Variants in PXDNL observed in about 807,000 individuals in gnomAD.
The protein encoded by PXDNL is probable oxidoreductase PXDNL.
Under a neutral mutation model 150.8 loss-of-function variants are expected in PXDNL, and 145 were observed. The ratio of observed to expected loss-of-function variants is 0.96; its 90% CI spans 0.84 to 1.10. PXDNL has a LOEUF of 1.10. PXDNL is among the 50% of genes least tolerant of loss of function. PXDNL has a pLI of 0.00. For synonymous variants in PXDNL, 757 were observed against 725.7 expected (o/e 1.04, Z -0.69); for missense variants, 2,087 against 1,873.9 (o/e 1.11, Z -2.10).
chr8:51,464,253 A>T (rs1410118499), intron 8 of PXDNL, among the ~76,000 whole-genome samples: 2 of 152,306 alleles, frequency 1.3e-5, no homozygotes, highest in South Asian at 4.1e-4. Context: ...AGTCTCAGCT[A>T]CTCAGGAGCC....
At chr8:51,666,517 T>A (rs1390913337) in intron 1 of PXDNL, among the ~76,000 whole-genome samples, 1 of 152,212 alleles carries the variant, frequency 6.6e-6, no homozygotes, top group African/African-American at 2.4e-5. Flanking sequence ...TTCTCTTAGA[T>A]ATTGACTATG....
chr8:51,478,895 G>C (rs1198991273), intron 6 of PXDNL, among the ~76,000 whole-genome samples: 2 of 152,166 alleles, frequency 1.3e-5, no homozygotes, highest in African/African-American at 4.8e-5. Flanking sequence ...ACCCTGAGCA[G>C]GTTGCTCAAA....
chr8:51,420,059 A>G (rs924402047), intron 14 of PXDNL, among the ~76,000 whole-genome samples: 7 of 152,212 alleles, frequency 4.6e-5, no homozygotes, highest in African/African-American at 1.2e-4. Flanking sequence ...AGTAAAAGGT[A>G]AATTTTATAT....
chr8:51,743,761 C>T (rs2036932160), intron 1 of PXDNL, among the ~76,000 whole-genome samples: 1 of 152,028 alleles, frequency 6.6e-6, no homozygotes, highest in South Asian at 2.1e-4. Context: ...AGCAATCCAC[C>T]AGCCTTGGCC....
chr8:51,601,987 T>C (rs534531163), intron 2 of PXDNL, among the ~76,000 whole-genome samples: 1 of 152,148 alleles, frequency 6.6e-6, no homozygotes, highest in Admixed American at 6.6e-5. Context: ...ATGAAGCTTA[T>C]TTTGGTGGGA....
chr8:51,457,360 A>G (rs1809959111), intron 9 of PXDNL, 138 bp downstream of exon 9: 1 of 694,686 alleles, frequency 1.4e-6, no homozygotes, highest in African/African-American at 1.8e-5. Context: ...AAAAAATTCA[A>G]GTTTCTCTAA....
intron 17 of PXDNL, among the ~76,000 whole-genome samples, chr8:51,390,806 ACAT>A (rs1202128064): frequency 6.6e-6 from 1 of 152,064 alleles, no homozygotes; most frequent in African/African-American, 2.4e-5. Context: ...CAGGTTAGTT[ACAT>A]ATGTATACAT....
intron 1 of PXDNL, among the ~76,000 whole-genome samples, chr8:51,788,732 C>T (rs1278579509): frequency 1.3e-5 from 2 of 152,174 alleles, no homozygotes; most frequent in Admixed American, 1.3e-4. Flanking sequence ...TCCCACAGCT[C>T]GTGGTCCCAG....
chr8:51,481,308 C>T (rs531981596), intron 6 of PXDNL, among the ~76,000 whole-genome samples: 4 of 152,202 alleles, frequency 2.6e-5, no homozygotes, highest in South Asian at 2.1e-4. Context: ...CATTTTGCCC[C>T]GCCCTAGAGA....
At chr8:51,580,659 A>C (rs1481826361) in intron 3 of PXDNL, among the ~76,000 whole-genome samples, 2 of 152,308 alleles carry the variant, frequency 1.3e-5, no homozygotes, top group East Asian at 3.9e-4. Context: ...AGTACCAGAG[A>C]CTGCATACCA....
chr8:51,454,284 T>G (rs1307574115), intron 9 of PXDNL, among the ~76,000 whole-genome samples: 2 of 152,226 alleles, frequency 1.3e-5, no homozygotes, highest in Non-Finnish European at 2.9e-5. Flanking sequence ...GAAACCTATG[T>G]GCAAAGCAGA....
At chr8:51,505,678 A>G (rs1249616724) in intron 4 of PXDNL, among the ~76,000 whole-genome samples, 2 of 152,242 alleles carry the variant, frequency 1.3e-5, no homozygotes, top group Non-Finnish European at 2.9e-5. Context: ...TGTGTGTAAC[A>G]TAAGCTAAGG....
intron 1 of PXDNL, among the ~76,000 whole-genome samples, chr8:51,740,681 T>C (rs1043524922): frequency 1.3e-5 from 2 of 152,248 alleles, no homozygotes; most frequent in Admixed American, 6.5e-5. Flanking sequence ...GGGGTTGTTT[T>C]TTTTTCTTGT....
chr8:51,808,283 T>C (rs887392713), intron 1 of PXDNL, among the ~76,000 whole-genome samples: 31 of 152,190 alleles, frequency 2.0e-4, no homozygotes, highest in African/African-American at 7.2e-4. Context: ...CACAAAATAT[T>C]TATTATAGAG....
At chr8:51,678,191 C>T (rs182106053) in intron 1 of PXDNL, among the ~76,000 whole-genome samples, 11 of 152,302 alleles carry the variant, frequency 7.2e-5, no homozygotes, top group Non-Finnish European at 1.3e-4. Flanking sequence ...AAGTAGGAGG[C>T]ATATGGTGGA....
intron 1 of PXDNL, among the ~76,000 whole-genome samples, chr8:51,676,576 C>T (rs547929390): frequency 4.6e-5 from 7 of 151,168 alleles, no homozygotes; most frequent in Middle Eastern, 3.4e-3. Flanking sequence ...CATGCCTGGC[C>T]GGACTCATCT....
chr8:51,708,587 G>A (rs550257284), intron 1 of PXDNL, among the ~76,000 whole-genome samples: 1 of 152,108 alleles, frequency 6.6e-6, no homozygotes, highest in Non-Finnish European at 1.5e-5. Flanking sequence ...CAAAGGAAAA[G>A]AACACAGATA....
intron 1 of PXDNL, among the ~76,000 whole-genome samples, chr8:51,662,601 C>G (rs11781376): frequency 0.66 from 100,733 of 152,108 alleles, 33,870 homozygotes; most frequent in Non-Finnish European, 0.72. Flanking sequence ...TTGCACAGCA[C>G]TTACCTTGTA....
At chr8:51,590,268 T>C (rs1813414462) in intron 3 of PXDNL, among the ~76,000 whole-genome samples, 1 of 151,908 alleles carries the variant, frequency 6.6e-6, no homozygotes, top group Non-Finnish European at 1.5e-5. Flanking sequence ...TTTCAAAGGA[T>C]GTACCAAATA....
Sources: allele counts gnomAD v4.1 joint callset (sites outside exome capture counted in the v4.1 genomes callset), GRCh38; gene constraint gnomAD v4.1.1; transcripts MANE v1.5; gene names NCBI Gene and HGNC (gene_info 2026-07-23, HGNC 2026-07-21).